The following POU2AF1 variants were observed in gnomAD, a reference collection of about 807,000 sequenced individuals.
POU2AF1 encodes the protein POU class 2 homeobox associating factor 1.
Under a neutral mutation model 26.3 loss-of-function variants are expected in POU2AF1, and 12 were observed. The observed-to-expected ratio is 0.46, with a 90% CI of 0.29 to 0.74. The LOEUF (loss-of-function observed/expected upper bound fraction) is 0.74, where lower values mean the gene tolerates loss of function less well. Ranked by LOEUF, POU2AF1 falls within the 30% of genes least tolerant of loss-of-function variation. The pLI is 0.09. For missense variants in POU2AF1, 297 were observed against 334.5 expected, an observed-to-expected ratio of 0.89 and a Z score of 0.87; for synonymous variants, 175 against 148.0, an observed-to-expected ratio of 1.18 and a Z score of -1.32.
At chr11:111,361,150 C>T (rs1188618393) in intron 1 of POU2AF1, among the ~76,000 whole-genome samples, 1 of 152,128 alleles carries the variant, frequency 6.6e-6, no homozygotes, top group African/African-American at 2.4e-5. Context: ...CCTAGGAGTA[C>T]AGCACTGCAC....
intron 1 of POU2AF1, among the ~76,000 whole-genome samples, chr11:111,361,873 T>C (rs2135120810): frequency 6.6e-6 from 1 of 152,362 alleles, no homozygotes; most frequent in South Asian, 2.1e-4. Flanking sequence ...TGAGTATTAG[T>C]AGTAATATTC....
chr11:111,369,223 A>T (rs985823720), intron 1 of POU2AF1, among the ~76,000 whole-genome samples: 8 of 152,216 alleles, frequency 5.3e-5, no homozygotes, highest in Admixed American at 4.6e-4. Context: ...AACCCTGGAA[A>T]TGGCCTTTTA....
At chr11:111,372,461 C>T (rs1000539816) in intron 1 of POU2AF1, among the ~76,000 whole-genome samples, 2 of 152,074 alleles carry the variant, frequency 1.3e-5, no homozygotes, top group African/African-American at 2.4e-5. Flanking sequence ...TGTGCTTTTA[C>T]CAAGAATACT....
At chr11:111,378,902 A>G (rs1861364473) in intron 1 of POU2AF1, among the ~76,000 whole-genome samples, 2 of 152,328 alleles carry the variant, frequency 1.3e-5, no homozygotes, top group African/African-American at 2.4e-5. Flanking sequence ...AAGCGGAGGT[A>G]CCCTGAGCCG....
Position 111,357,614 on chromosome 11 carries a change from A to G in POU2AF1, c.287T>C (p.Leu96Pro). ...GWLSQPTPAT[L>P]QPLAPWTPYT... ...AGGTGTCCATGGGGCCAGGGGCTGC[A>G]GGGTGGCCGGGGTGGGCTGGGAGAG... Residue 96 changes from leucine (L) to proline (P), a missense_variant, in exon 4 of 5, where the codon CTG becomes CCG. Transcript: ENST00000393067. 6.2e-7 allele frequency: 1 copy of G among 1,613,924 alleles called. No individual in the cohort carries two copies. Among genetic ancestry groups the G allele is most frequent in the Non-Finnish European group, 8.5e-7 (1 of 1,179,906 alleles).
chr11:111,353,418 C>T lies in POU2AF1; in HGVS notation c.*843G>A, dbSNP rs760995868. On this transcript the variant is annotated 3_prime_UTR_variant, in exon 5 of 5. Transcript: ENST00000393067. The stretch of plus-strand genomic sequence containing the variant: ...AGCCTGTTCCCATCCCTCCTCTGTC[C>T]CTCTCTTCGTCACTGGCCTGTCCCC... 1.3e-4 allele frequency: 30 copies of T among 233,872 alleles called. No homozygotes were observed. The highest frequency in any genetic ancestry group is 2.5e-4 in the Non-Finnish European group (30 of 118,478). 14.5% of individuals were successfully genotyped at this position (233,872 alleles called of 1,614,324 possible).
intron 1 of POU2AF1, among the ~76,000 whole-genome samples, chr11:111,375,591 G>T (rs1390428806): frequency 6.6e-6 from 1 of 151,820 alleles, no homozygotes; most frequent in Non-Finnish European, 1.5e-5. Flanking sequence ...AGTAGAGACG[G>T]GGTTTCACCA....
chr11:111,365,819 T>C (rs1349037170), intron 1 of POU2AF1, among the ~76,000 whole-genome samples: 2 of 150,114 alleles, frequency 1.3e-5, no homozygotes, highest in Non-Finnish European at 2.9e-5. Context: ...ATCGCACCAT[T>C]GCACTCCAGC....
chr11:111,358,671 AAC>A (rs1860937487), intron 2 of POU2AF1, 115 bp downstream of exon 2: 6 of 1,249,894 alleles, frequency 4.8e-6, no homozygotes, highest in South Asian at 1.4e-5. Flanking sequence ...ATCACACACA[AAC>A]ACATACACAC....
At chr11:111,368,072 G>C (rs552372081) in intron 1 of POU2AF1, among the ~76,000 whole-genome samples, 7 of 152,318 alleles carry the variant, frequency 4.6e-5, no homozygotes, top group African/African-American at 1.7e-4. Context: ...TTACAGTCTA[G>C]TCTAGTGGGG....
At chr11:111,358,414 ACACACG>A (rs1565360776) in intron 2 of POU2AF1, among the ~76,000 whole-genome samples, 13 of 78,872 alleles carry the variant, frequency 1.6e-4, no homozygotes, top group African/African-American at 3.4e-4. Flanking sequence ...ACTCTCTCAC[ACACACG>A]CTCACACTCT....
chr11:111,355,731 GT>G (rs1327187197), intron 4 of POU2AF1, among the ~76,000 whole-genome samples: 16 of 152,142 alleles, frequency 1.1e-4, no homozygotes, highest in African/African-American at 3.1e-4. Context: ...GCTTTAGGGT[GT>G]TTTTGCACAG....
chr11:111,357,584 G>T lies in POU2AF1; in HGVS notation c.317C>A (p.Thr106Asn). ...LQPLAPWTPY[T>N]EYVPHEAVSC... ...GACAGCTTCATGGGGCACATACTCG[G>T]TGTAAGGTGTCCATGGGGCCAGGGG... is the stretch of plus-strand genomic sequence containing the variant. The change falls in exon 4 of 5, where the codon ACC (threonine) becomes AAC (asparagine). Residue 106 changes from threonine to asparagine, a missense_variant. Physicochemically the swap from Thr to Asn is moderately conservative, Grantham distance 65. Transcript: ENST00000393067. 1 of 1,614,114 alleles carries T rather than the reference G, an allele frequency of 6.2e-7. No individual in the cohort carries two copies. Among genetic ancestry groups the T allele is most frequent in the Non-Finnish European group, 8.5e-7 (1 of 1,179,976 alleles).
chr11:111,357,322 G>T, intron 4 of POU2AF1, 123 bp downstream of exon 4: 1 of 1,397,620 alleles, frequency 7.2e-7, no homozygotes. Context: ...ACCAAGGCGA[G>T]CTCTGATGAC....
chr11:111,358,996 A>C, intron 1 of POU2AF1, 78 bp from the exon 2 acceptor site: 1 of 1,533,880 alleles, frequency 6.5e-7, no homozygotes, highest in Non-Finnish European at 8.7e-7. Context: ...TTCCTCATGG[A>C]TCTGCCTGCT....
chr11:111,355,603 T>G (rs1041656117), intron 4 of POU2AF1, among the ~76,000 whole-genome samples: 1 of 152,152 alleles, frequency 6.6e-6, no homozygotes, highest in Non-Finnish European at 1.5e-5. Context: ...GGGGATCTTG[T>G]TAGAACGCAG....
At chr11:111,372,057 C>CAGAGAGAG (rs1268779151) in intron 1 of POU2AF1, among the ~76,000 whole-genome samples, 38 of 143,166 alleles carry the variant, frequency 2.7e-4, no homozygotes, top group African/African-American at 1.0e-3. Context: ...CACACACACA[C>CAGAGAGAG]ACACACACAC....
In POU2AF1 at chr11:111,359,149, G is replaced by A. The variant is rs1041248777; in HGVS notation, c.17-231C>T. 2.3e-5 allele frequency: 16 copies of A among 682,272 alleles called. No homozygotes were observed. In the African/African-American group the frequency reaches 2.5e-4, roughly 11 times the overall value. 42.3% of individuals were successfully genotyped at this position (682,272 alleles called of 1,614,324 possible). ...GGCCCAGCTCCTTGTCCTAGAATTG[G>A]ACAGTCTTCAGAATGAGATCCGAAC... On this transcript the variant is annotated intron_variant, in intron 1 of 4. Coordinates refer to ENST00000393067, the MANE Select transcript of POU2AF1 (RefSeq NM_006235.3).
In POU2AF1 at chr11:111,353,864, A is replaced by G. The variant is rs1860784762; in HGVS notation, c.*397T>C. ...TACCTCCCAAAATGGAACAGAATTGAAAAAAGAAGTAAGAAAGAGAGAAGA... is the reference window on the plus strand; with the variant it reads ...TACCTCCCAAAATGGAACAGAATTGGAAAAAGAAGTAAGAAAGAGAGAAGA... On this transcript the variant is annotated 3_prime_UTR_variant, in exon 5 of 5. Transcript: ENST00000393067. The G allele has an allele frequency of 3.6e-6, 1 of 278,408 alleles. No homozygotes were observed. The highest frequency in any genetic ancestry group is 9.5e-5 in the South Asian group (1 of 10,496). The allele number at this position is 278,408 out of a possible 1,614,324, so 17.2% of individuals were successfully genotyped here.
Sources: allele counts gnomAD v4.1 joint callset (sites outside exome capture counted in the v4.1 genomes callset), GRCh38; gene constraint gnomAD v4.1.1; transcripts MANE v1.5; gene names NCBI Gene and HGNC (gene_info 2026-07-23, HGNC 2026-07-21).